The following PRKAG2 variants were observed in gnomAD, a reference collection of about 807,000 sequenced individuals.
PRKAG2 encodes 5'-AMP-activated protein kinase subunit gamma-2.
In PRKAG2, 26 loss-of-function variants were observed where a neutral mutation model predicts 69.6. That is an observed-to-expected ratio of 0.37 (90% confidence interval 0.27 to 0.52). PRKAG2 has a LOEUF of 0.52. Ranked by LOEUF, PRKAG2 falls within the 20% of genes least tolerant of loss-of-function variation. The pLI is 0.90. For synonymous variants in PRKAG2, 293 were observed against 285.0 expected (o/e 1.03, Z -0.28); for missense variants, 557 against 740.0 (o/e 0.75, Z 2.87).
chr7:151,627,342 T>C (rs73478073), intron 5 of PRKAG2, among the ~76,000 whole-genome samples: 19,071 of 152,144 alleles, frequency 0.13, 1,377 homozygotes, highest in African/African-American at 0.17. Context: ...ACAAGCAAGA[T>C]TGGCTGGGTG....
chr7:151,852,522 C>T (rs1180698413), intron 1 of PRKAG2, among the ~76,000 whole-genome samples: 1 of 152,004 alleles, frequency 6.6e-6, no homozygotes, highest in Non-Finnish European at 1.5e-5. Context: ...CCTACGAGGG[C>T]AGCAGCCTCA....
At chr7:151,651,443 C>T (rs1418477621) in intron 4 of PRKAG2, among the ~76,000 whole-genome samples, 1 of 151,996 alleles carries the variant, frequency 6.6e-6, no homozygotes, top group East Asian at 1.9e-4. Flanking sequence ...CCCGTCTCTA[C>T]TAAAAATACA....
chr7:151,762,703 C>A (rs1369786190), intron 3 of PRKAG2, among the ~76,000 whole-genome samples: 1 of 152,176 alleles, frequency 6.6e-6, no homozygotes, highest in Non-Finnish European at 1.5e-5. Flanking sequence ...AGCTGCCTTG[C>A]AGGATTGCCA....
At position 151,721,374 on chromosome 7, in the gene PRKAG2, ACAGGGCCAGGGC is replaced by A. The variant is rs769549411; in HGVS notation, c.467-45749_467-45738del. Among the ~76,000 whole-genome samples the A allele has an allele frequency of 3.0e-3, 403 of 132,240 alleles. 4 individuals are homozygous for A. Among genetic ancestry groups the A allele is most frequent in the African/African-American group, 9.4e-3 (341 of 36,350 alleles). 86.8% of individuals were successfully genotyped at this position (132,240 alleles called of 152,430 possible). A position where few individuals can be genotyped will look rare whatever the true frequency, so the allele number is the denominator to read the frequency against. On this transcript the variant is annotated intron_variant, in intron 3 of 15. Transcript: ENST00000287878. ...TAATGCCAACAGGAAAGGGCTGAAG[ACAGGGCCAGGGC>A]CAGGGCCGGGGCCAGGGCCGGGGCC... is the stretch of plus-strand genomic sequence containing the variant.
At chr7:151,582,513 C>T (rs899496105) in intron 6 of PRKAG2, among the ~76,000 whole-genome samples, 2 of 152,066 alleles carry the variant, frequency 1.3e-5, no homozygotes, top group South Asian at 2.1e-4. Flanking sequence ...GCAAAGAGAA[C>T]GTTAAGAATT....
chr7:151,771,400 G>C lies in PRKAG2; in HGVS notation c.466+9752C>G, dbSNP rs555756017. 1.3e-5 allele frequency among the ~76,000 whole-genome samples: 2 copies of C among 152,278 alleles called. No homozygotes were observed. The highest frequency in any genetic ancestry group is 4.8e-5 in the African/African-American group (2 of 41,542). On this transcript the variant is annotated intron_variant, in intron 3 of 15. Coordinates refer to ENST00000287878, the MANE Select transcript of PRKAG2 (RefSeq NM_016203.4). The surrounding 1 kb of genome is among the most constrained non-coding windows in gnomAD (Gnocchi z 4.0). Reference sequence around the variant, plus strand: ...AGGCTGGTGGTGGAATGGGAGGTGGGTGCTTAGGGATTATTCCACTTCCTC... The same window carrying C: ...AGGCTGGTGGTGGAATGGGAGGTGGCTGCTTAGGGATTATTCCACTTCCTC...
intron 9 of PRKAG2, among the ~76,000 whole-genome samples, chr7:151,571,319 C>T (rs1445336982): frequency 4.6e-5 from 7 of 151,446 alleles, no homozygotes; most frequent in Admixed American, 2.6e-4. Flanking sequence ...GTGATCCACC[C>T]GCCTCGGCTT....
chr7:151,557,173 C>T lies in PRKAG2; in HGVS notation c.*28G>A, dbSNP rs925670230. On this transcript the variant is annotated 3_prime_UTR_variant, in exon 16 of 16. Coordinates refer to ENST00000287878, the MANE Select transcript of PRKAG2 (RefSeq NM_016203.4). ...GACCCAGAGACTTTGTTCAAGTTCT[C>T]CTCCTAGGGCGTCTACATTCACGGC... 5.6e-6 allele frequency: 9 copies of T among 1,613,984 alleles called. No individual in the cohort carries two copies. The African/African-American group carries it at 9.3e-5, about 17-fold the overall frequency.
intron 1 of PRKAG2, among the ~76,000 whole-genome samples, chr7:151,862,283 T>TA (rs2079949621): frequency 6.6e-6 from 1 of 152,152 alleles, no homozygotes; most frequent in Admixed American, 6.5e-5. Context: ...GTAATGTGCC[T>TA]AAAATCTGCC....
chr7:151,636,216 C>G (rs1825717474), intron 4 of PRKAG2, among the ~76,000 whole-genome samples: 1 of 152,056 alleles, frequency 6.6e-6, no homozygotes, highest in Non-Finnish European at 1.5e-5. Context: ...AAGTGTGCAG[C>G]CCAGTGATTT....
chr7:151,717,683 C>T (rs2151628861), intron 3 of PRKAG2, among the ~76,000 whole-genome samples: 1 of 152,296 alleles, frequency 6.6e-6, no homozygotes, highest in East Asian at 1.9e-4. Context: ...CATGCCCACC[C>T]ACGTATTTGC....
intron 4 of PRKAG2, 96 bp downstream of exon 4, chr7:151,675,324 C>G: frequency 8.0e-7 from 1 of 1,242,662 alleles, no homozygotes; most frequent in Non-Finnish European, 1.2e-6. Context: ...ACGACCTCAG[C>G]CTCGGCTGCA....
rs931587487 is a variant in PRKAG2, at chr7:151,556,186, AAAAC to A, written c.*1011_*1014del. 21 of 151,596 alleles carry A rather than the reference AAAAC, an allele frequency of 1.4e-4. No homozygotes were observed. The highest frequency in any genetic ancestry group is 4.3e-4 in the African/African-American group (18 of 41,496). The allele number at this position is 151,596 out of a possible 1,614,324, so 9.4% of individuals were successfully genotyped here. A position where few individuals can be genotyped will look rare whatever the true frequency, so the allele number is the denominator to read the frequency against. The stretch of plus-strand genomic sequence containing the variant: ...AAAAAAAAAAACCCAAAACAAAAAA[AAAAC>A]AAACTATCCTCATATATATATATAC... On this transcript the variant is annotated 3_prime_UTR_variant, in exon 16 of 16. Coordinates refer to ENST00000287878, the MANE Select transcript of PRKAG2 (RefSeq NM_016203.4).
chr7:151,659,952 G>A (rs1056159469), intron 4 of PRKAG2, among the ~76,000 whole-genome samples: 9 of 152,164 alleles, frequency 5.9e-5, no homozygotes, highest in Admixed American at 2.0e-4. Context: ...CCAGCTACTC[G>A]GGAGGCCGAG....
intron 3 of PRKAG2, among the ~76,000 whole-genome samples, chr7:151,682,332 C>T (rs750389151): frequency 3.3e-5 from 5 of 152,148 alleles, no homozygotes; most frequent in Non-Finnish European, 5.9e-5. Flanking sequence ...CCTCAAACTC[C>T]TGGGCTCAAG....
At chr7:151,623,625 A>T (rs1822101008) in intron 5 of PRKAG2, among the ~76,000 whole-genome samples, 1 of 152,192 alleles carries the variant, frequency 6.6e-6, no homozygotes, top group South Asian at 2.1e-4. Flanking sequence ...TATTTAATCC[A>T]CATATAATCC....
chr7:151,618,504 C>A (rs911944550), intron 5 of PRKAG2, among the ~76,000 whole-genome samples: 4 of 150,870 alleles, frequency 2.7e-5, no homozygotes, highest in African/African-American at 5.0e-5. Flanking sequence ...GTGGCTCATG[C>A]CTGTAATCCC....
chr7:151,709,889 TGTGACA>T (rs1378514252), intron 3 of PRKAG2, among the ~76,000 whole-genome samples: 4 of 152,072 alleles, frequency 2.6e-5, no homozygotes, highest in South Asian at 2.1e-4. Context: ...CATTGAGTGA[TGTGACA>T]GTGACAGTGA....
intron 4 of PRKAG2, among the ~76,000 whole-genome samples, chr7:151,642,268 G>A (rs1366951751): frequency 1.3e-5 from 2 of 152,076 alleles, no homozygotes; most frequent in Non-Finnish European, 2.9e-5. Context: ...GTGTGAACAT[G>A]GGAAGCAGAG....
Sources: allele counts gnomAD v4.1 joint callset (sites outside exome capture counted in the v4.1 genomes callset), GRCh38; gene constraint gnomAD v4.1.1; non-coding constraint Gnocchi (gnomAD v3.1); transcripts MANE v1.5; gene names NCBI Gene and HGNC (gene_info 2026-07-23, HGNC 2026-07-21).